DYNC1I1: variants seen among roughly 807,000 people sequenced by gnomAD.
DYNC1I1 encodes the protein cytoplasmic dynein 1 intermediate chain 1.
Under a neutral mutation model 86.6 loss-of-function variants are expected in DYNC1I1, and 43 were observed. The ratio of observed to expected loss-of-function variants is 0.50; its 90% CI spans 0.39 to 0.64. The LOEUF (loss-of-function observed/expected upper bound fraction) is 0.64, where lower values mean the gene tolerates loss of function less well. Ranked by LOEUF, DYNC1I1 falls within the 30% of genes least tolerant of loss-of-function variation. DYNC1I1 has a pLI of 0.00. For synonymous variants in DYNC1I1, 262 were observed against 283.7 expected (o/e 0.92, Z 0.77); for missense variants, 604 against 788.8 (o/e 0.77, Z 2.81).
chr7:95,976,458 A>C (rs917568944), intron 6 of DYNC1I1, among the ~76,000 whole-genome samples: 2 of 152,120 alleles, frequency 1.3e-5, no homozygotes, highest in Admixed American at 1.3e-4. Context: ...ATGTATTCTA[A>C]GTGATTGGTG....
intron 6 of DYNC1I1, among the ~76,000 whole-genome samples, chr7:95,872,133 G>A (rs955886959): frequency 6.6e-6 from 1 of 152,240 alleles, no homozygotes; most frequent in Non-Finnish European, 1.5e-5. Flanking sequence ...GAGCTGCGTG[G>A]AGCAGTGGAC....
intron 14 of DYNC1I1, among the ~76,000 whole-genome samples, chr7:96,061,701 C>G (rs1437955939): frequency 7.5e-6 from 1 of 132,968 alleles, no homozygotes; most frequent in Non-Finnish European, 1.6e-5. Context: ...CTCCCTCTCT[C>G]TCTCTCTCTC....
chr7:95,982,200 A>G (rs1793475769), intron 7 of DYNC1I1, among the ~76,000 whole-genome samples: 1 of 152,190 alleles, frequency 6.6e-6, no homozygotes, highest in Admixed American at 6.5e-5. Context: ...ATTGTTTATG[A>G]CTTTTAAAAA....
At chr7:96,103,589 A>T (rs1791168268) in intron 16 of DYNC1I1, among the ~76,000 whole-genome samples, 1 of 151,944 alleles carries the variant, frequency 6.6e-6, no homozygotes, top group South Asian at 2.1e-4. Context: ...CAAAATCCTT[A>T]TAGTGGCCCA....
chr7:95,885,939 A>G (rs1267917695), intron 6 of DYNC1I1, among the ~76,000 whole-genome samples: 1 of 152,204 alleles, frequency 6.6e-6, no homozygotes, highest in Non-Finnish European at 1.5e-5. Context: ...GATGAAAATA[A>G]TCTCTCTGAA....
intron 10 of DYNC1I1, among the ~76,000 whole-genome samples, chr7:96,018,034 G>A (rs1420435897): frequency 2.0e-5 from 3 of 152,072 alleles, no homozygotes; most frequent in Non-Finnish European, 4.4e-5. Flanking sequence ...ATCACCTGTC[G>A]CAACTGATAG....
intron 7 of DYNC1I1, among the ~76,000 whole-genome samples, 166 bp downstream of exon 7, chr7:95,977,767 C>T (rs1424028833): frequency 6.6e-6 from 1 of 152,158 alleles, no homozygotes; most frequent in Non-Finnish European, 1.5e-5. Flanking sequence ...AAACTGTAAT[C>T]TCCAAAGCAA....
intron 6 of DYNC1I1, among the ~76,000 whole-genome samples, chr7:95,932,388 A>G (rs1791922332): frequency 6.6e-6 from 1 of 152,180 alleles, no homozygotes; most frequent in South Asian, 2.1e-4. Context: ...TTGGTCAGGG[A>G]CTTCAAACAT....
At chr7:95,832,112 TC>T (rs1458662716) in intron 5 of DYNC1I1, among the ~76,000 whole-genome samples, 1 of 75,554 alleles carries the variant, frequency 1.3e-5, no homozygotes, top group African/African-American at 5.5e-5. Context: ...ATGCTATCCC[TC>T]CCCCCTCCCC....
chr7:95,909,181 G>T (rs1409662537), intron 6 of DYNC1I1, among the ~76,000 whole-genome samples: 1 of 115,360 alleles, frequency 8.7e-6, no homozygotes, highest in Non-Finnish European at 1.7e-5. Flanking sequence ...TAATGAGACA[G>T]CAGAAAAAAA....
At chr7:95,975,700 T>C (rs1316287700) in intron 6 of DYNC1I1, among the ~76,000 whole-genome samples, 1 of 152,320 alleles carries the variant, frequency 6.6e-6, no homozygotes, top group East Asian at 1.9e-4. Flanking sequence ...TCACCTTTGT[T>C]TTTTGTTGTA....
intron 6 of DYNC1I1, among the ~76,000 whole-genome samples, chr7:95,888,005 C>T (rs916583499): frequency 2.0e-5 from 3 of 152,218 alleles, no homozygotes; most frequent in Non-Finnish European, 4.4e-5. Context: ...TGGACACTAA[C>T]CTTCCATTTC....
At chr7:95,783,799 G>C (rs74895997) in intron 1 of DYNC1I1, among the ~76,000 whole-genome samples, 4,662 of 152,280 alleles carry the variant, frequency 0.031, 256 homozygotes, top group African/African-American at 0.11. Context: ...ATTCGAAGCT[G>C]AGTTTCACCA....
In DYNC1I1 at chr7:96,080,429, G is replaced by A. The variant is rs1429925406; in HGVS notation, c.1717G>A (p.Gly573Ser). 11 of 1,614,194 alleles carry A rather than the reference G, an allele frequency of 6.8e-6. 1 individual carries two copies. The South Asian group carries it at 1.1e-4, about 16-fold the overall frequency. ...AAACCGTGTTCGTTGGGCCCAAGCTGGCAAAGAAGTTGCTGTTGGGGACTC... is the reference window on the plus strand; with the variant it reads ...AAACCGTGTTCGTTGGGCCCAAGCTAGCAAAGAAGTTGCTGTTGGGGACTC... ...ALNRVRWAQA[G>S]KEVAVGDSEG... The change falls in exon 16 of 17, where the codon GGC becomes AGC. Residue 573 changes from glycine to serine, a missense_variant. Physicochemically the swap from Gly to Ser is moderately conservative, Grantham distance 56 (BLOSUM62 0). Transcript: ENST00000447467.
At chr7:96,065,243 T>C (rs991165243) in intron 14 of DYNC1I1, among the ~76,000 whole-genome samples, 4 of 152,076 alleles carry the variant, frequency 2.6e-5, no homozygotes, top group Non-Finnish European at 5.9e-5. Context: ...TCTAGCCCAG[T>C]TATGTTCTCC....
chr7:96,039,344 G>A lies in DYNC1I1; in HGVS notation c.1432G>A (p.Ala478Thr). 1 of 1,614,122 alleles carries A rather than the reference G, an allele frequency of 6.2e-7. No homozygotes were observed. The highest frequency in any genetic ancestry group is 8.5e-7 in the Non-Finnish European group (1 of 1,179,974). The change falls in exon 14 of 17, where the codon GCA (alanine) becomes ACA (threonine). Residue 478 changes from alanine to threonine, a missense_variant. By Grantham distance (58) the Ala-to-Thr change is moderately conservative. Coordinates refer to ENST00000447467, the MANE Select transcript of DYNC1I1 (RefSeq NM_001135556.2). ...GPVTGINCHM[A>T]VGPIDFSHLF... ...AGTGACAGGAATTAACTGCCACATG[G>A]CAGTGGGCCCAATCGACTTTTCTCA...
chr7:95,827,540 C>G (rs1282619571), intron 4 of DYNC1I1, among the ~76,000 whole-genome samples: 1 of 152,128 alleles, frequency 6.6e-6, no homozygotes, highest in African/African-American at 2.4e-5. Flanking sequence ...GCATAAAATA[C>G]TCATGAGTCT....
chr7:95,994,913 A>G (rs944220164), intron 9 of DYNC1I1, among the ~76,000 whole-genome samples: 1 of 152,130 alleles, frequency 6.6e-6, no homozygotes, highest in African/African-American at 2.4e-5. Context: ...TATTGAGGAA[A>G]TAGGGAAATT....
At chr7:95,790,780 G>A (rs1320026728) in intron 1 of DYNC1I1, among the ~76,000 whole-genome samples, 1 of 152,208 alleles carries the variant, frequency 6.6e-6, no homozygotes, top group East Asian at 1.9e-4. Context: ...TGGCTAAGTG[G>A]CTGAGAGCAT....
Sources: allele counts gnomAD v4.1 joint callset (sites outside exome capture counted in the v4.1 genomes callset), GRCh38; gene constraint gnomAD v4.1.1; transcripts MANE v1.5; gene names NCBI Gene and HGNC (gene_info 2026-07-23, HGNC 2026-07-21).